The following LRP1B variants were observed in gnomAD, a reference collection of about 807,000 sequenced individuals.
LRP1B encodes low-density lipoprotein receptor-related protein 1B.
In LRP1B, 217 loss-of-function variants were observed where a neutral mutation model predicts 556.6. That is an observed-to-expected ratio of 0.39 (90% CI 0.35 to 0.44). The LOEUF is 0.44. LRP1B is among the 20% of genes least tolerant of loss of function. The pLI, the probability that LRP1B is intolerant of heterozygous loss-of-function variation, is 1.00. For synonymous variants in LRP1B, 2,047 were observed against 1,865.8 expected (o/e 1.10, Z -2.50); for missense variants, 5,053 against 5,620.8 (o/e 0.90, Z 3.23).
intron 7 of LRP1B, among the ~76,000 whole-genome samples, chr2:141,153,398 T>TATATA (rs70991145): frequency 0.57 from 51,121 of 89,158 alleles, 16,998 homozygotes; most frequent in Middle Eastern, 0.74. Context: ...TATATATTTA[T>TATATA]ATATATTATA....
intron 5 of LRP1B, among the ~76,000 whole-genome samples, chr2:141,237,371 T>A (rs1479191780): frequency 7.9e-4 from 111 of 140,566 alleles, no homozygotes; most frequent in South Asian, 5.8e-3. Flanking sequence ...TTTTTTTTTT[T>A]AATTCTGATT....
At chr2:140,612,663 C>T (rs1370538570) in intron 41 of LRP1B, among the ~76,000 whole-genome samples, 1 of 152,060 alleles carries the variant, frequency 6.6e-6, no homozygotes, top group Non-Finnish European at 1.5e-5. Flanking sequence ...AGTGATTGAG[C>T]GCTTGATCCG....
intron 10 of LRP1B, among the ~76,000 whole-genome samples, chr2:141,052,795 G>C (rs182416786): frequency 6.6e-6 from 1 of 151,890 alleles, no homozygotes; most frequent in East Asian, 2.0e-4. Context: ...GTGCCACCAT[G>C]CCTGTCTAAT....
intron 66 of LRP1B, among the ~76,000 whole-genome samples, chr2:140,428,949 C>T (rs931461646): frequency 6.6e-6 from 1 of 152,130 alleles, no homozygotes; most frequent in Admixed American, 6.5e-5. Flanking sequence ...TCCTAGACTA[C>T]AGCCACATCT....
chr2:141,967,532 T>G (rs543386755), intron 1 of LRP1B, among the ~76,000 whole-genome samples: 20 of 151,974 alleles, frequency 1.3e-4, no homozygotes, highest in South Asian at 4.1e-4. Flanking sequence ...TCTTTTCAAA[T>G]GTATACACAC....
chr2:141,988,198 G>T (rs568366159), intron 1 of LRP1B, among the ~76,000 whole-genome samples: 25 of 151,854 alleles, frequency 1.6e-4, no homozygotes, highest in African/African-American at 5.8e-4. Flanking sequence ...ACAAATGAAG[G>T]ACAATGAAGT....
chr2:141,738,387 T>C (rs1425061880), intron 2 of LRP1B, among the ~76,000 whole-genome samples: 1 of 152,126 alleles, frequency 6.6e-6, no homozygotes, highest in Non-Finnish European at 1.5e-5. Context: ...AATGCAGTGC[T>C]CCATGTACAG....
rs748757012 is a variant in LRP1B, at chr2:140,475,309, A to G, written c.9454T>C (p.Tyr3152His). ...ATTCCAACACGGCCAATATGAGGAT[A>G]CTCGCAGCAGTCAATCCAATACAAA... The part of the protein sequence containing the change: ...GYLYWIDCCE[Y>H]PHIGRVGMDG... The change falls in exon 60 of 91, where the codon TAT becomes CAT. Residue 3152 changes from tyrosine (Y) to histidine (H), a missense_variant. This residue lies in a region of LRP1B where 3,619 missense variants were observed against 3,931.9 expected (regional missense o/e 0.92). Coordinates refer to ENST00000389484, the MANE Select transcript of LRP1B (RefSeq NM_018557.3). 2 of 1,607,270 alleles carry G rather than the reference A, an allele frequency of 1.2e-6. No individual in the cohort carries two copies. Among genetic ancestry groups the G allele is most frequent in the South Asian group, 1.1e-5 (1 of 90,504 alleles).
chr2:141,077,145 G>A (rs971869868), intron 7 of LRP1B, among the ~76,000 whole-genome samples: 4 of 152,124 alleles, frequency 2.6e-5, no homozygotes, highest in East Asian at 1.9e-4. Context: ...CTACTCGGGA[G>A]GCTGAGGCAG....
intron 66 of LRP1B, among the ~76,000 whole-genome samples, chr2:140,394,830 A>G (rs564433008): frequency 6.6e-6 from 1 of 152,314 alleles, no homozygotes; most frequent in Admixed American, 6.5e-5. Context: ...ATTTTGAAAG[A>G]GATTATTTTT....
chr2:140,604,288 T>G (rs1465612111), intron 41 of LRP1B, among the ~76,000 whole-genome samples: 1 of 151,406 alleles, frequency 6.6e-6, no homozygotes, highest in Non-Finnish European at 1.5e-5. Flanking sequence ...GAATTGAGAT[T>G]GGCTAAGCAT....
chr2:141,790,269 A>G (rs190248193), intron 2 of LRP1B, among the ~76,000 whole-genome samples: 107 of 151,996 alleles, frequency 7.0e-4, no homozygotes, highest in Non-Finnish European at 8.7e-4. Flanking sequence ...CTTTTAATGG[A>G]TAGAAATAAC....
chr2:140,244,348 C>T (rs1681069665), intron 87 of LRP1B, among the ~76,000 whole-genome samples: 1 of 151,180 alleles, frequency 6.6e-6, no homozygotes, highest in African/African-American at 2.4e-5. Context: ...CCTATTGTCA[C>T]TATAGTAAAA....
chr2:140,666,587 A>G (rs945398581), intron 41 of LRP1B, among the ~76,000 whole-genome samples: 5 of 152,174 alleles, frequency 3.3e-5, no homozygotes, highest in Non-Finnish European at 7.3e-5. Context: ...TTGTATGCCA[A>G]TCTCATGCTC....
chr2:141,402,456 C>T (rs1196573627), intron 3 of LRP1B, among the ~76,000 whole-genome samples: 1 of 151,896 alleles, frequency 6.6e-6, no homozygotes, highest in Non-Finnish European at 1.5e-5. Flanking sequence ...TGAGACCAGT[C>T]AACCAAAAAG....
In LRP1B at chr2:140,664,196, G is replaced by T. The variant is rs139360186; in HGVS notation, c.6799+36054C>A. Among the ~76,000 whole-genome samples, 726 of 152,258 alleles carry T rather than the reference G, an allele frequency of 4.8e-3. 7 individuals carry two copies. The highest frequency in any genetic ancestry group is 0.016 in the African/African-American group (685 of 41,546). On this transcript the variant is annotated intron_variant, in intron 41 of 90. Transcript: ENST00000389484. ...ATAATAAGGAAAAGACTGAAATATT[G>T]CAAGAATTACCAAAATGTAACAAAG...
chr2:140,582,930 G>T (rs1372980038), intron 43 of LRP1B, among the ~76,000 whole-genome samples: 5 of 152,012 alleles, frequency 3.3e-5, no homozygotes, highest in African/African-American at 1.2e-4. Flanking sequence ...TACATGTTGG[G>T]GTGATTTGAC....
intron 7 of LRP1B, among the ~76,000 whole-genome samples, chr2:141,141,543 A>C (rs1278358237): frequency 6.6e-6 from 1 of 152,166 alleles, no homozygotes; most frequent in Non-Finnish European, 1.5e-5. Context: ...TAAATTTTTA[A>C]ATCTTTCCTT....
intron 3 of LRP1B, among the ~76,000 whole-genome samples, chr2:141,450,180 A>G (rs1253907551): frequency 6.6e-6 from 1 of 152,186 alleles, no homozygotes; most frequent in Non-Finnish European, 1.5e-5. Context: ...GTTACCAACA[A>G]AGCATTGCAC....
Sources: allele counts gnomAD v4.1 joint callset (sites outside exome capture counted in the v4.1 genomes callset), GRCh38; gene constraint gnomAD v4.1.1; regional missense constraint gnomAD v4.1.1; transcripts MANE v1.5; gene names NCBI Gene and HGNC (gene_info 2026-07-23, HGNC 2026-07-21).